The following LSR variants were observed in gnomAD, a reference collection of about 807,000 sequenced individuals.
LSR encodes lipolysis stimulated lipoprotein receptor, also known as lipolysis-stimulated lipoprotein receptor.
Under a neutral mutation model 61.8 loss-of-function variants are expected in LSR, and 44 were observed. The ratio of observed to expected loss-of-function variants is 0.71; its 90% CI spans 0.56 to 0.91. The LOEUF is 0.91. LSR is among the 40% of genes least tolerant of loss of function. The pLI is 0.00. For missense variants in LSR, 911 were observed against 830.5 expected (o/e 1.10, Z -1.19); for synonymous variants, 397 against 350.6 (o/e 1.13, Z -1.48).
chr19:35,254,513 A>T (rs1482763209), intron 2 of LSR, among the ~76,000 whole-genome samples: 3 of 152,192 alleles, frequency 2.0e-5, no homozygotes, highest in Non-Finnish European at 2.9e-5. Context: ...TGGGTGATGG[A>T]CCAGCACCTG....
Position 35,261,984 on chromosome 19 carries a change from A to AC in LSR, c.631+4dup. ...TTTTCAGGCGGGGCCCATAGAAGGT[A>AC]CGGGGGGTGGATCCTGAGTTGGGCT... On this transcript the variant is annotated splice_donor_region_variant and intron_variant, in intron 4 of 9. Coordinates refer to ENST00000605618, the MANE Select transcript of LSR (RefSeq NM_205834.4). 1 of 1,518,028 alleles carries AC rather than the reference A, an allele frequency of 6.6e-7. No individual in the cohort carries two copies. Among genetic ancestry groups the AC allele is most frequent in the Middle Eastern group, 1.7e-4 (1 of 5,788 alleles). The allele number at this position is 1,518,028 out of a possible 1,614,324, so 94.0% of individuals were successfully genotyped here.
At chr19:35,266,114 T>G (rs1317354395) in intron 5 of LSR, among the ~76,000 whole-genome samples, 1 of 152,200 alleles carries the variant, frequency 6.6e-6, no homozygotes, top group Non-Finnish European at 1.5e-5. Flanking sequence ...GGTGCCTGCG[T>G]GCACCCTCTG....
intron 3 of LSR, among the ~76,000 whole-genome samples, chr19:35,259,811 A>G (rs1250469638): frequency 6.6e-6 from 1 of 151,738 alleles, no homozygotes; most frequent in Non-Finnish European, 1.5e-5. Context: ...GCTGCATGGC[A>G]CACACACTGT....
chr19:35,262,758 C>T, intron 5 of LSR, 66 bp downstream of exon 5: 1 of 1,572,506 alleles, frequency 6.4e-7, no homozygotes, highest in East Asian at 2.3e-5. Flanking sequence ...AGGAGGTGGC[C>T]ATCCACCTGC....
At chr19:35,249,194 G>A in intron 1 of LSR, 63 bp downstream of exon 1, 1 of 1,486,326 alleles carries the variant, frequency 6.7e-7, no homozygotes, top group South Asian at 1.3e-5. Flanking sequence ...GGGGATGGAT[G>A]GAGTTGGAGG....
In LSR at chr19:35,266,749, A is replaced by G. The variant is rs2066006490; in HGVS notation, c.1012+11A>G. On this transcript the variant is annotated intron_variant, in intron 7 of 9. Transcript: ENST00000605618. ...GCAGTGTGGCCTCTGGTGAGAATCC[A>G]TCGTCCCGAAGTTGGATGTGCCTGT... is the stretch of plus-strand genomic sequence containing the variant. The G allele has an allele frequency of 6.2e-7, 1 of 1,608,988 alleles. No individual in the cohort carries two copies. The highest frequency in any genetic ancestry group is 1.3e-5 in the African/African-American group (1 of 75,000).
At chr19:35,263,463 C>T (rs2065957432) in intron 5 of LSR, among the ~76,000 whole-genome samples, 1 of 152,118 alleles carries the variant, frequency 6.6e-6, no homozygotes, top group Non-Finnish European at 1.5e-5. Context: ...TCAAGCAGTC[C>T]TCCCGCCTCA....
intron 8 of LSR, 50 bp downstream of exon 8, chr19:35,267,017 C>T: frequency 1.3e-6 from 2 of 1,578,872 alleles, no homozygotes; most frequent in Non-Finnish European, 1.7e-6. Context: ...GGGGGTGAAA[C>T]ATGTCTCCCT....
At position 35,267,359 on chromosome 19, in the gene LSR, C is replaced by G; in HGVS notation, c.1395C>G (p.Pro465=). The G allele has an allele frequency of 6.5e-7, 1 of 1,531,886 alleles. No individual in the cohort carries two copies. Among genetic ancestry groups the G allele is most frequent in the Middle Eastern group, 1.7e-4 (1 of 5,878 alleles). The allele number at this position is 1,531,886 out of a possible 1,614,324, so 94.9% of individuals were successfully genotyped here. Residue 465 remains proline (P), a synonymous_variant, in exon 9 of 10, where the codon CCC becomes CCG. Coordinates refer to ENST00000605618, the MANE Select transcript of LSR (RefSeq NM_205834.4). ...PSTAESGSRS[P]TSNGGRSRAY... is the part of the protein sequence containing the mutation. ...CCGCCGAGTCAGGGAGCAGGTCTCC[C>G]ACGAGTAATGGTGGGAGAAGCCGGG... is the stretch of plus-strand genomic sequence containing the variant.
chr19:35,267,784 G>A (rs748744899), intron 9 of LSR, 40 bp from the exon 10 acceptor site: 1 of 1,613,722 alleles, frequency 6.2e-7, no homozygotes, highest in Non-Finnish European at 8.5e-7. Flanking sequence ...CCCCCAGCCG[G>A]TCCCCGCGGC....
In LSR at chr19:35,267,879, C is replaced by A. The variant is rs780387027; in HGVS notation, c.*20C>A. The A allele has an allele frequency of 8.7e-6, 14 of 1,612,830 alleles. No homozygotes were observed. Among genetic ancestry groups the A allele is most frequent in the East Asian group, 2.2e-5 (1 of 44,848 alleles). ...GTCTGATCTGACGTTTTCTACGTAGCTTTTGTATTTTTTTTTTTAATTTGA... is the reference window on the plus strand; with the variant it reads ...GTCTGATCTGACGTTTTCTACGTAGATTTTGTATTTTTTTTTTTAATTTGA... On this transcript the variant is annotated 3_prime_UTR_variant, in exon 10 of 10. Transcript: ENST00000605618.
chr19:35,267,749 C>T lies in LSR; in HGVS notation c.1770+15C>T. 1 of 1,611,104 alleles carries T rather than the reference C, an allele frequency of 6.2e-7. No individual in the cohort carries two copies. Among genetic ancestry groups the T allele is most frequent in the African/African-American group, 1.3e-5 (1 of 74,664 alleles). ...GGCTCAAGAAGGTGAGGGCCGCCCT[C>T]CCTGGCGTCCAGACCGTCCCTGGGC... On this transcript the variant is annotated intron_variant, in intron 9 of 9. Coordinates refer to ENST00000605618, the MANE Select transcript of LSR (RefSeq NM_205834.4).
At chr19:35,259,885 G>A (rs957163222) in intron 3 of LSR, among the ~76,000 whole-genome samples, 2 of 152,222 alleles carry the variant, frequency 1.3e-5, no homozygotes, top group African/African-American at 2.4e-5. Context: ...CGGGGTGTCC[G>A]TGTGGCTGGG....
At chr19:35,257,035 A>G (rs909592961) in intron 2 of LSR, among the ~76,000 whole-genome samples, 1 of 152,030 alleles carries the variant, frequency 6.6e-6, no homozygotes, top group Non-Finnish European at 1.5e-5. Context: ...ATGGGGTTTT[A>G]CCATGTTGGC....
intron 2 of LSR, among the ~76,000 whole-genome samples, chr19:35,256,065 C>G (rs1312748152): frequency 6.6e-6 from 1 of 152,112 alleles, no homozygotes; most frequent in African/African-American, 2.4e-5. Flanking sequence ...AAAAACCTGT[C>G]TCTACTAAAA....
intron 2 of LSR, among the ~76,000 whole-genome samples, chr19:35,254,293 G>C (rs771956409): frequency 2.0e-5 from 3 of 152,122 alleles, no homozygotes; most frequent in African/African-American, 7.2e-5. Flanking sequence ...ATGGGATTTC[G>C]CCATGTTGGC....
In LSR at chr19:35,267,725, G is replaced by A; in HGVS notation, c.1761G>A (p.Arg587=). 6.2e-7 allele frequency: 1 copy of A among 1,606,142 alleles called. No homozygotes were observed. Among genetic ancestry groups the A allele is most frequent in the Non-Finnish European group, 8.5e-7 (1 of 1,177,432 alleles). The change falls in exon 9 of 10, where the codon AGG becomes AGA. Residue 587 remains arginine (R), a synonymous_variant. Transcript: ENST00000605618. ...ACTCGCAGGCGTCCCGAGAGCGCAG[G>A]CTCAAGAAGGTGAGGGCCGCCCTCC... ...ETDSQASRER[R]LKKNLALSRE...
intron 5 of LSR, among the ~76,000 whole-genome samples, chr19:35,265,149 C>T (rs1313697978): frequency 3.3e-5 from 5 of 152,216 alleles, no homozygotes; most frequent in Non-Finnish European, 7.4e-5. Flanking sequence ...ATCCCATCCC[C>T]TCCCTCTTGT....
In LSR at chr19:35,250,604, C is replaced by T. The variant is rs1340972219; in HGVS notation, c.399C>T (p.Gly133=). 5 of 1,605,046 alleles carry T rather than the reference C, an allele frequency of 3.1e-6. No homozygotes were observed. The highest frequency in any genetic ancestry group is 1.7e-5 in the Admixed American group (1 of 59,602). ...RTVRVVATKQ[G]NAVTLGDYYQ... is the part of the protein sequence containing the mutation. ...TCAGGGTCGTGGCCACCAAGCAGGG[C>T]AACGCTGTGACCCTGGGAGATTACT... The change falls in exon 2 of 10, where the codon GGC becomes GGT. Residue 133 remains glycine (G), a synonymous_variant. Coordinates refer to ENST00000605618, the MANE Select transcript of LSR (RefSeq NM_205834.4).
Sources: allele counts gnomAD v4.1 joint callset (sites outside exome capture counted in the v4.1 genomes callset), GRCh38; gene constraint gnomAD v4.1.1; transcripts MANE v1.5; gene names NCBI Gene and HGNC (gene_info 2026-07-23, HGNC 2026-07-21).